The following DPH7 variants were observed in gnomAD, a reference collection of about 807,000 sequenced individuals.
DPH7 encodes the protein diphthamide biosynthesis 7.
A neutral mutation model predicts 41.7 loss-of-function variants in DPH7; 44 were observed. The observed-to-expected ratio is 1.05, with a 90% CI of 0.83 to 1.36. The LOEUF (loss-of-function observed/expected upper bound fraction) is 1.36, where lower values mean the gene tolerates loss of function less well. DPH7 is among the 40% of genes most tolerant of loss of function. The pLI, the probability that DPH7 is intolerant of heterozygous loss-of-function variation, is 0.00. For synonymous variants in DPH7, 275 were observed against 238.0 expected (o/e 1.16, Z -1.43); for missense variants, 629 against 577.5 (o/e 1.09, Z -0.91).
At chr9:137,569,125 G>A (rs796111494) in intron 5 of DPH7, among the ~76,000 whole-genome samples, 2 of 152,024 alleles carry the variant, frequency 1.3e-5, no homozygotes, top group South Asian at 2.1e-4. Flanking sequence ...TGAAGGAAGG[G>A]AAGCTCAAGA....
chr9:137,558,430 A>C (rs1471685705), intron 8 of DPH7, among the ~76,000 whole-genome samples: 1 of 152,226 alleles, frequency 6.6e-6, no homozygotes. Context: ...ACCATAGCCA[A>C]AAGGTGAAAA....
At position 137,577,501 on chromosome 9, in the gene DPH7, T is replaced by C; in HGVS notation, c.256A>G (p.Lys86Glu). 1.9e-6 allele frequency: 3 copies of C among 1,613,922 alleles called. No homozygotes were observed. Among genetic ancestry groups the C allele is most frequent in the Non-Finnish European group, 2.5e-6 (3 of 1,179,822 alleles). Residue 86 changes from lysine to glutamate, a missense_variant, in exon 2 of 9, where the codon AAA becomes GAA. Physicochemically the swap from Lys to Glu is moderately conservative, Grantham distance 56. Coordinates refer to ENST00000277540, the MANE Select transcript of DPH7 (RefSeq NM_138778.5). ...ATGTCCAGGATTGCAGAAGTATCTT[T>C]TCTTTGGACCTCGACCAGAGGGTGA... ...SIHPLVEVQRKDTSAILDMKW... is the reference protein window; with the variant it reads ...SIHPLVEVQREDTSAILDMKW...
At chr9:137,575,047 C>G in intron 3 of DPH7, 1 of 1,369,274 alleles carries the variant, frequency 7.3e-7, no homozygotes, top group Non-Finnish European at 9.4e-7. Context: ...GGAGCTCACA[C>G]TCCTCACACT....
rs1441509347 is a variant in DPH7 at position 137,555,600 on chromosome 9, G to A, written c.998C>T (p.Ser333Leu). Residue 333 changes from serine (S) to leucine (L), a missense_variant, in exon 9 of 9, where the codon TCG becomes TTG. Physicochemically the swap from Ser to Leu is moderately radical, Grantham distance 145. Transcript: ENST00000277540. Reference sequence around the variant, plus strand: ...GGACCAGTCGGCTCCATACACCAGCGAGTCGGGCAATGTGTGAGATGTCAG... The same window carrying A: ...GGACCAGTCGGCTCCATACACCAGCAAGTCGGGCAATGTGTGAGATGTCAG... ...TVLTSHTLPD[S>L]LVYGADWSWL... 1.9e-6 allele frequency: 3 copies of A among 1,612,408 alleles called. No homozygotes were observed. Among genetic ancestry groups the A allele is most frequent in the East Asian group, 2.2e-5 (1 of 44,848 alleles).
chr9:137,573,381 AAAG>A (rs1840792706), intron 5 of DPH7, among the ~76,000 whole-genome samples: 1 of 137,658 alleles, frequency 7.3e-6, no homozygotes, highest in Non-Finnish European at 1.6e-5. Flanking sequence ...AAAAAAAAAA[AAAG>A]AATAGCTAAG....
chr9:137,577,671 G>A (rs1049957212), intron 1 of DPH7, 68 bp from the exon 2 acceptor site: 2 of 1,573,406 alleles, frequency 1.3e-6, no homozygotes, highest in Non-Finnish European at 8.7e-7. Flanking sequence ...ATGGGAAAAG[G>A]GATCCAAGGA....
At chr9:137,555,985 C>T (rs950909302) in intron 8 of DPH7, among the ~76,000 whole-genome samples, 2 of 152,124 alleles carry the variant, frequency 1.3e-5, no homozygotes, top group African/African-American at 4.8e-5. Flanking sequence ...GAGTTTTAGC[C>T]AGCTGGGAAG....
At chr9:137,578,194 T>TTGCTGTATCGCCCAGGCTGGAA (rs1841769210) in intron 1 of DPH7, 1 of 156,700 alleles carries the variant, frequency 6.4e-6, no homozygotes, top group Admixed American at 6.5e-5. Flanking sequence ...AGATGTAGTC[T>TTGCTGTATCGCCCAGGCTGGAA]TGCTGTATCG....
intron 5 of DPH7, among the ~76,000 whole-genome samples, chr9:137,570,964 C>T: frequency 6.6e-6 from 1 of 152,172 alleles, no homozygotes; most frequent in East Asian, 1.9e-4. Context: ...TGTCTCCCCG[C>T]CACAGAATGT....
intron 5 of DPH7, among the ~76,000 whole-genome samples, chr9:137,573,469 G>A (rs1276046305): frequency 6.7e-6 from 1 of 149,360 alleles, no homozygotes; most frequent in Non-Finnish European, 1.5e-5. Flanking sequence ...ACGAGGTCAG[G>A]AGATCGAGAC....
intron 3 of DPH7, 104 bp from the exon 4 acceptor site, chr9:137,574,947 C>T (rs1264551719): frequency 5.8e-6 from 9 of 1,553,608 alleles, no homozygotes; most frequent in Admixed American, 2.0e-5. Flanking sequence ...CATTTACAAC[C>T]TATGCGAATG....
At position 137,556,639 on chromosome 9, in the gene DPH7, A is replaced by G. The variant is rs1452986110; in HGVS notation, c.950-991T>C. The G allele has an allele frequency of 2.8e-6, 1 of 352,458 alleles. No homozygotes were observed. Among genetic ancestry groups the G allele is most frequent in the Non-Finnish European group, 5.6e-6 (1 of 178,302 alleles). The allele number at this position is 352,458 out of a possible 1,614,324, so 21.8% of individuals were successfully genotyped here. ...GAGGAGTGAGATGCTGAATGTTCAG[A>G]GACAGCCACAGGGGCCCTCGAGCAG... On this transcript the variant is annotated intron_variant, in intron 8 of 8. Transcript: ENST00000277540. This position sits in a 1 kb window ranked among gnomAD's most constrained non-coding sequence, Gnocchi z 5.2.
intron 3 of DPH7, chr9:137,575,442 C>G: frequency 3.0e-6 from 3 of 988,780 alleles, no homozygotes; most frequent in Non-Finnish European, 3.6e-6. Context: ...CCACAGCTTT[C>G]CTGTGGCTGC....
intron 8 of DPH7, 147 bp from the exon 9 acceptor site, chr9:137,555,795 C>G (rs1175119087): frequency 2.3e-6 from 2 of 861,446 alleles, no homozygotes; most frequent in Non-Finnish European, 3.4e-6. Context: ...TGCAAAGGAA[C>G]CAGCAAGACC....
At chr9:137,557,056 C>A (rs975451727) in intron 8 of DPH7, among the ~76,000 whole-genome samples, 4 of 152,144 alleles carry the variant, frequency 2.6e-5, no homozygotes, top group Non-Finnish European at 5.9e-5. Context: ...TGAGTAGCTG[C>A]GACCATCATG....
rs775951246 is a variant in DPH7, at chr9:137,555,412, T to C, written c.1186A>G (p.Met396Val). 1.9e-6 allele frequency: 3 copies of C among 1,614,164 alleles called. No homozygotes were observed. The highest frequency in any genetic ancestry group is 2.2e-5 in the South Asian group (2 of 91,086). ...CTCATGCCCTCTGTGAGTGGCTTCA[T>C]TCCACTCTGGGGTCTGGCATGGCCC... is the stretch of plus-strand genomic sequence containing the variant. The part of the protein sequence containing the change: ...GEGHARPQSG[M>V]KPLTEGMRKN... Residue 396 changes from methionine (M) to valine (V), a missense_variant, in exon 9 of 9, where the codon ATG becomes GTG. Met to Val is a conservative substitution (Grantham distance 21). Transcript: ENST00000277540.
intron 5 of DPH7, among the ~76,000 whole-genome samples, chr9:137,568,566 G>T (rs1415029243): frequency 6.6e-6 from 1 of 151,464 alleles, no homozygotes; most frequent in African/African-American, 2.4e-5. Flanking sequence ...TGTCTGTGAG[G>T]AAGCTCCCCG....
rs1030352814 is a variant in DPH7, at chr9:137,556,423, G to A, written c.950-775C>T. ...CTTGGGCTCTGAAAGGGCTGCCATC[G>A]CTACCTCTGAAGTACAGGGATTGAT... On this transcript the variant is annotated intron_variant, in intron 8 of 8. Transcript: ENST00000277540. This position sits in a 1 kb window ranked among gnomAD's most constrained non-coding sequence, Gnocchi z 5.2. Among the ~76,000 whole-genome samples the A allele has an allele frequency of 6.6e-6, 1 of 152,220 alleles. No homozygotes were observed. Among genetic ancestry groups the A allele is most frequent in the African/African-American group, 2.4e-5 (1 of 41,462 alleles).
At chr9:137,562,700 G>A (rs1422601294) in intron 8 of DPH7, among the ~76,000 whole-genome samples, 1 of 151,916 alleles carries the variant, frequency 6.6e-6, no homozygotes, top group Non-Finnish European at 1.5e-5. Context: ...CAGGGGCTGG[G>A]CACGGTGGCT....
Sources: gnomAD v4.1 joint callset for allele counts (sites outside exome capture counted in the v4.1 genomes callset) on GRCh38, gnomAD v4.1.1 for gene constraint, Gnocchi (gnomAD v3.1) non-coding constraint, MANE v1.5 for transcripts, NCBI Gene and HGNC (gene_info 2026-07-23, HGNC 2026-07-21) for gene names.